Variants in CDYL observed in about 807,000 individuals in gnomAD.
CDYL encodes the protein chromodomain Y like.
In CDYL, 8 loss-of-function variants were observed where a neutral mutation model predicts 47.3. The observed-to-expected ratio is 0.17, with a 90% confidence interval of 0.10 to 0.31. The LOEUF (loss-of-function observed/expected upper bound fraction) is 0.31. Among genes scored for constraint, CDYL ranks in the 10% least tolerant of loss-of-function variants. The probability of loss-of-function intolerance (pLI) is 1.00; values close to 1 mark genes in which losing one functional copy is unlikely to be tolerated. For synonymous variants in CDYL, 266 were observed against 265.0 expected, an observed-to-expected ratio of 1.00 and a Z score of -0.04; for missense variants, 471 against 701.4, an observed-to-expected ratio of 0.67 and a Z score of 3.71.
At chr6:4,829,177 C>T (rs1191995561) in intron 1 of CDYL, among the ~76,000 whole-genome samples, 1 of 152,136 alleles carries the variant, frequency 6.6e-6, no homozygotes, top group African/African-American at 2.4e-5. Context: ...GAAAACTGCA[C>T]ATTTGACATT....
chr6:4,861,069 GACT>G (rs1254466466), intron 1 of CDYL, among the ~76,000 whole-genome samples: 1 of 152,216 alleles, frequency 6.6e-6, no homozygotes, highest in Non-Finnish European at 1.5e-5. Flanking sequence ...TAGAAAGTGA[GACT>G]AGTTCATTAA....
intron 1 of CDYL, among the ~76,000 whole-genome samples, chr6:4,847,903 G>A (rs1258664911): frequency 6.6e-6 from 1 of 152,148 alleles, no homozygotes; most frequent in Admixed American, 6.5e-5. Flanking sequence ...GAGTTCTGTA[G>A]TTGATTCTGT....
chr6:4,799,873 A>G (rs1759176657), intron 1 of CDYL, among the ~76,000 whole-genome samples: 2 of 152,320 alleles, frequency 1.3e-5, no homozygotes, highest in South Asian at 2.1e-4. Context: ...AGCTGTCATT[A>G]GATGGATGTA....
At chr6:4,808,971 A>G (rs965680559) in intron 1 of CDYL, among the ~76,000 whole-genome samples, 1 of 152,154 alleles carries the variant, frequency 6.6e-6, no homozygotes. Flanking sequence ...GTGGCTTCCA[A>G]GCGTGAGAGC....
intron 5 of CDYL, among the ~76,000 whole-genome samples, chr6:4,947,243 G>A (rs748247464): frequency 5.3e-5 from 8 of 152,332 alleles, no homozygotes; most frequent in East Asian, 3.9e-4. Context: ...TTCTAGCAAG[G>A]GGGGCTTACG....
chr6:4,934,311 T>A (rs1758120676), intron 2 of CDYL, among the ~76,000 whole-genome samples: 1 of 152,204 alleles, frequency 6.6e-6, no homozygotes, highest in Admixed American at 6.5e-5. Context: ...GTATGTATTA[T>A]AACCTCTTTA....
At chr6:4,715,667 C>G in intron 1 of CDYL, 1 of 1,402,594 alleles carries the variant, frequency 7.1e-7, no homozygotes, top group East Asian at 2.5e-5. Flanking sequence ...TGGTGAAAGT[C>G]ATTAAATGCC....
At chr6:4,716,343 C>T (rs527687447) in intron 2 of CDYL, among the ~76,000 whole-genome samples, 12 of 152,046 alleles carry the variant, frequency 7.9e-5, no homozygotes, top group Non-Finnish European at 1.5e-4. Context: ...GTTCGGACAA[C>T]GCCTTCTCTC....
At chr6:4,821,371 G>A (rs1260077959) in intron 1 of CDYL, among the ~76,000 whole-genome samples, 1 of 140,806 alleles carries the variant, frequency 7.1e-6, no homozygotes, top group Non-Finnish European at 1.5e-5. Flanking sequence ...TCTACCTCCC[G>A]GGTTCAAGTG....
At chr6:4,908,722 G>A (rs184248985) in intron 2 of CDYL, among the ~76,000 whole-genome samples, 2 of 152,244 alleles carry the variant, frequency 1.3e-5, no homozygotes, top group Non-Finnish European at 2.9e-5. Context: ...TTTAAATTCT[G>A]ATCCAGGAGA....
chr6:4,920,390 A>G (rs1757677196), intron 2 of CDYL, among the ~76,000 whole-genome samples: 1 of 152,218 alleles, frequency 6.6e-6, no homozygotes, highest in Non-Finnish European at 1.5e-5. Context: ...TGTGAAAAAT[A>G]TGCATATACA....
At chr6:4,728,073 A>G (rs1266320952) in intron 2 of CDYL, among the ~76,000 whole-genome samples, 3 of 152,180 alleles carry the variant, frequency 2.0e-5, no homozygotes, top group African/African-American at 4.8e-5. Flanking sequence ...CCCATGCTTC[A>G]GAATTTGCTT....
intron 2 of CDYL, among the ~76,000 whole-genome samples, chr6:4,920,147 G>A (rs916906013): frequency 6.6e-6 from 1 of 152,218 alleles, no homozygotes; most frequent in South Asian, 2.1e-4. Flanking sequence ...GGTACCTAGA[G>A]TAAACGAGAG....
chr6:4,912,795 G>T lies in CDYL; in HGVS notation c.691+20416G>T, dbSNP rs531567113. Among the ~76,000 whole-genome samples, 8 of 152,318 alleles carry T rather than the reference G, an allele frequency of 5.3e-5. No individual in the cohort carries two copies. In the South Asian group the frequency reaches 1.7e-3, roughly 32 times the overall value. ...TGGCGAGGGGGCAGAGCCTGCTTAT[G>T]TGCCAGCTCAGCTCACTCTCCCCCT... On this transcript the variant is annotated intron_variant, in intron 2 of 6. Coordinates refer to ENST00000397588, the MANE Select transcript of CDYL (RefSeq NM_004824.4).
intron 1 of CDYL, among the ~76,000 whole-genome samples, chr6:4,787,321 C>CA (rs1738980890): frequency 6.6e-6 from 1 of 152,136 alleles, no homozygotes; most frequent in Non-Finnish European, 1.5e-5. Context: ...GAGTCAGAGT[C>CA]AGAGTTTCCC....
Position 4,881,145 on chromosome 6 carries a change from G to A in CDYL, c.25-10568G>A, listed in dbSNP as rs78018087. The stretch of plus-strand genomic sequence containing the variant: ...TTCTGCCCTTTAAGTGGAGCACTCA[G>A]TCCACTTACATTTAGTATAATTGTT... On this transcript the variant is annotated intron_variant, in intron 1 of 6. Coordinates refer to ENST00000397588, the MANE Select transcript of CDYL (RefSeq NM_004824.4). Among the ~76,000 whole-genome samples, 1,086 of 152,248 alleles carry A rather than the reference G, an allele frequency of 7.1e-3. 12 individuals are homozygous for A. The highest frequency in any genetic ancestry group is 0.025 in the African/African-American group (1,053 of 41,542).
chr6:4,846,536 T>C (rs1214552236), intron 1 of CDYL, among the ~76,000 whole-genome samples: 1 of 152,214 alleles, frequency 6.6e-6, no homozygotes, highest in Non-Finnish European at 1.5e-5. Flanking sequence ...TCCGTCAGAG[T>C]GCTGGAGAGG....
chr6:4,793,144 C>T lies in CDYL; in HGVS notation c.24+16337C>T, dbSNP rs553802838. Among the ~76,000 whole-genome samples the T allele has an allele frequency of 1.3e-3, 195 of 152,274 alleles. 1 individual carries two copies. Among genetic ancestry groups the T allele is most frequent in the African/African-American group, 4.3e-3 (180 of 41,544 alleles). ...ATTTCTCTCCTCATGGTGGTGTGCT[C>T]TTCCATCTACACCCTGGAATCATCA... is the stretch of plus-strand genomic sequence containing the variant. On this transcript the variant is annotated intron_variant, in intron 1 of 6. Transcript: ENST00000397588.
chr6:4,873,065 A>G (rs78113305), intron 1 of CDYL, among the ~76,000 whole-genome samples: 3,049 of 152,356 alleles, frequency 0.02, 42 homozygotes, highest in Middle Eastern at 0.041. Context: ...CTGTGTGGGA[A>G]AAGTTCTGTT....
Sources: allele counts gnomAD v4.1 joint callset (sites outside exome capture counted in the v4.1 genomes callset), GRCh38; gene constraint gnomAD v4.1.1; transcripts MANE v1.5; gene names NCBI Gene and HGNC (gene_info 2026-07-23, HGNC 2026-07-21).